ARNT: variants seen among roughly 807,000 people sequenced by gnomAD.
ARNT encodes the protein aryl hydrocarbon receptor nuclear translocator, also known as class E basic helix-loop-helix protein 2.
In ARNT, 30 loss-of-function variants were observed where a neutral mutation model predicts 105.0. That is an observed-to-expected ratio of 0.29 (90% confidence interval 0.21 to 0.39). The LOEUF (loss-of-function observed/expected upper bound fraction) is 0.39, where lower values mean the gene tolerates loss of function less well. ARNT is among the 10% of genes least tolerant of loss of function. The probability of loss-of-function intolerance (pLI) is 1.00; values close to 1 mark genes in which losing one functional copy is unlikely to be tolerated. For synonymous variants in ARNT, 304 were observed against 344.0 expected, an observed-to-expected ratio of 0.88 and a Z score of 1.29; for missense variants, 748 against 978.7, an observed-to-expected ratio of 0.76 and a Z score of 3.15.
intron 1 of ARNT, among the ~76,000 whole-genome samples, chr1:150,875,501 A>AAC (rs10305653): frequency 0.062 from 9,388 of 152,242 alleles, 378 homozygotes; most frequent in Middle Eastern, 0.15. Context: ...CGCCCCACGC[A>AAC]ACACACACAC....
intron 10 of ARNT, 143 bp from the exon 11 acceptor site, chr1:150,830,123 C>A: frequency 1.2e-6 from 1 of 830,052 alleles, no homozygotes; most frequent in South Asian, 1.7e-5. Context: ...CTTTGGGAAG[C>A]CAAGGTGGGC....
chr1:150,855,537 G>A (rs1664442777), intron 2 of ARNT, among the ~76,000 whole-genome samples: 2 of 151,914 alleles, frequency 1.3e-5, no homozygotes, highest in Non-Finnish European at 1.5e-5. Context: ...ACTCCAGCCT[G>A]GACAACAAAG....
At chr1:150,831,974 T>C in intron 9 of ARNT, 71 bp from the exon 10 acceptor site, 1 of 1,002,188 alleles carries the variant, frequency 1.0e-6, no homozygotes. Context: ...CAATGCTGCC[T>C]TAGTACTTTT....
intron 13 of ARNT, among the ~76,000 whole-genome samples, chr1:150,823,552 CTTTT>C (rs34223160): frequency 7.5e-6 from 1 of 132,830 alleles, no homozygotes; most frequent in Non-Finnish European, 1.6e-5. Flanking sequence ...GAGACTTAAG[CTTTT>C]TTTTTTTTTT....
Position 150,813,273 on chromosome 1 carries a change from G to A in ARNT, c.2179C>T (p.Pro727Ser), listed in dbSNP as rs1326176721. The change falls in exon 21 of 22, where the codon CCA becomes TCA. Residue 727 changes from proline to serine, a missense_variant. By Grantham distance (74) the Pro-to-Ser change is moderately conservative. Around this residue, in one of 4 missense-constraint regions of ARNT, gnomAD observed 360 missense variants for 411.9 expected, o/e 0.87. Coordinates refer to ENST00000358595, the MANE Select transcript of ARNT (RefSeq NM_001668.4). Reference protein sequence around the residue: ...TRTAEGVGVWPQWQGQQPHHR... With the variant: ...TRTAEGVGVWSQWQGQQPHHR... ...TGAGGCTGCTGGCCCTGCCACTGTG[G>A]CCAGACACCCACACCCTCTGCTGTC... is the stretch of plus-strand genomic sequence containing the variant. 1 of 1,613,822 alleles carries A rather than the reference G, an allele frequency of 6.2e-7. No individual in the cohort carries two copies. Among genetic ancestry groups the A allele is most frequent in the Non-Finnish European group, 8.5e-7 (1 of 1,179,958 alleles).
intron 1 of ARNT, among the ~76,000 whole-genome samples, chr1:150,860,481 G>A (rs587629750): frequency 5.3e-5 from 8 of 151,298 alleles, no homozygotes; most frequent in African/African-American, 1.9e-4. Flanking sequence ...CTCCCAAAAT[G>A]CTAGGATTAC....
At chr1:150,826,825 T>A (rs587734261) in intron 12 of ARNT, among the ~76,000 whole-genome samples, 4 of 152,028 alleles carry the variant, frequency 2.6e-5, no homozygotes, top group East Asian at 3.9e-4. Flanking sequence ...TGTATTTTTT[T>A]AAATAGAGAC....
At chr1:150,862,712 TA>T (rs56147665) in intron 1 of ARNT, among the ~76,000 whole-genome samples, 3,983 of 66,396 alleles carry the variant, frequency 0.06, 226 homozygotes, top group African/African-American at 0.23. Flanking sequence ...CCTGCCTCTG[TA>T]AAAAAAAAAA....
intron 1 of ARNT, among the ~76,000 whole-genome samples, chr1:150,874,299 G>A (rs995971353): frequency 4.6e-5 from 7 of 152,096 alleles, no homozygotes; most frequent in Admixed American, 1.3e-4. Flanking sequence ...ATATACAAGA[G>A]CAAAGGGAGA....
At chr1:150,813,549 A>G (rs764712207) in intron 20 of ARNT, among the ~76,000 whole-genome samples, 1 of 152,116 alleles carries the variant, frequency 6.6e-6, no homozygotes, top group Non-Finnish European at 1.5e-5. Context: ...TTCTTTACTC[A>G]TTTAGGTTAA....
chr1:150,853,341 C>A (rs2102210102), intron 2 of ARNT: 1 of 299,252 alleles, frequency 3.3e-6, no homozygotes, highest in Non-Finnish European at 6.7e-6. Context: ...TACCTTAACA[C>A]TTTCCTAGAG....
intron 1 of ARNT, among the ~76,000 whole-genome samples, chr1:150,872,904 G>C (rs7529204): frequency 0.074 from 11,261 of 152,200 alleles, 587 homozygotes; most frequent in East Asian, 0.18. Context: ...CAAGGCTGCA[G>C]TGAGCCATGA....
rs587601947 is a variant in ARNT, at chr1:150,833,620, T to C, written c.803+918A>G. 4.3e-4 allele frequency among the ~76,000 whole-genome samples: 65 copies of C among 152,310 alleles called. 1 individual carries two copies. The South Asian group carries it at 9.3e-3, about 22-fold the overall frequency. On this transcript the variant is annotated intron_variant, in intron 8 of 21. Transcript: ENST00000358595. ...CAACTATCCTCTCAGTACAATGTAG[T>C]CAATTTCCATTATATAGCCTGAACT...
At chr1:150,852,347 TC>T (rs36063967) in intron 3 of ARNT, among the ~76,000 whole-genome samples, 1 of 152,104 alleles carries the variant, frequency 6.6e-6, no homozygotes, top group Non-Finnish European at 1.5e-5. Context: ...CAGTCTGGCC[TC>T]CTTGAGGATA....
chr1:150,857,098 A>G (rs1369578327), intron 2 of ARNT, among the ~76,000 whole-genome samples: 1 of 152,254 alleles, frequency 6.6e-6, no homozygotes, highest in East Asian at 1.9e-4. Flanking sequence ...GAAATGTGGT[A>G]TATATTCTTT....
At chr1:150,850,923 G>A (rs1429490961) in intron 3 of ARNT, among the ~76,000 whole-genome samples, 1 of 149,842 alleles carries the variant, frequency 6.7e-6, no homozygotes, top group Non-Finnish European at 1.5e-5. Flanking sequence ...GAGCGCCTCT[G>A]CCCGGCCACG....
At chr1:150,814,489 C>CA (rs1443024735) in intron 19 of ARNT, among the ~76,000 whole-genome samples, 4 of 152,118 alleles carry the variant, frequency 2.6e-5, no homozygotes, top group African/African-American at 9.7e-5. Context: ...TAAATGAAAG[C>CA]ATCTTATAAA....
At chr1:150,851,144 G>A (rs1663382154) in intron 3 of ARNT, among the ~76,000 whole-genome samples, 1 of 150,766 alleles carries the variant, frequency 6.6e-6, no homozygotes. Context: ...GCCCCGTCCG[G>A]GAGGTGGGGG....
At chr1:150,839,834 CA>C in intron 5 of ARNT, among the ~76,000 whole-genome samples, 180 bp from the exon 6 acceptor site, 1 of 152,262 alleles carries the variant, frequency 6.6e-6, no homozygotes, top group African/African-American at 2.4e-5. Context: ...AAGCATGAAA[CA>C]GAACTAATAA....
Sources: gnomAD v4.1 joint callset for allele counts (sites outside exome capture counted in the v4.1 genomes callset) on GRCh38, gnomAD v4.1.1 for gene constraint, gnomAD v4.1.1 regional missense constraint, MANE v1.5 for transcripts, NCBI Gene and HGNC (gene_info 2026-07-23, HGNC 2026-07-21) for gene names.